CDH13: variants seen among roughly 807,000 people sequenced by gnomAD.
CDH13 encodes cadherin-13.
In CDH13, 24 loss-of-function variants were observed where a neutral mutation model predicts 63.8. The ratio of observed to expected loss-of-function variants is 0.38; its 90% CI spans 0.27 to 0.53. CDH13 has a LOEUF of 0.53. Among genes scored for constraint, CDH13 ranks in the 20% least tolerant of loss-of-function variants. The pLI is 0.85. For synonymous variants in CDH13, 503 were observed against 355.3 expected, an observed-to-expected ratio of 1.42 and a Z score of -4.67; for missense variants, 1,049 against 903.1, an observed-to-expected ratio of 1.16 and a Z score of -2.07.
chr16:83,239,863 G>GT (rs551918037), intron 5 of CDH13, among the ~76,000 whole-genome samples: 1 of 152,198 alleles, frequency 6.6e-6, no homozygotes, highest in Non-Finnish European at 1.5e-5. Context: ...TGGGGAATTT[G>GT]TGGGGGGCAG....
At chr16:83,390,607 C>T (rs548524625) in intron 6 of CDH13, among the ~76,000 whole-genome samples, 252 of 152,172 alleles carry the variant, frequency 1.7e-3, no homozygotes, top group Non-Finnish European at 3.0e-3. Flanking sequence ...GAATATGCCT[C>T]CAAGCCAGGA....
intron 2 of CDH13, among the ~76,000 whole-genome samples, chr16:83,018,876 T>C (rs1388550002): frequency 2.6e-5 from 4 of 152,136 alleles, no homozygotes; most frequent in Admixed American, 2.6e-4. Flanking sequence ...ATAATAAAAA[T>C]ATAGTCTAAA....
At chr16:83,045,143 A>G (rs1338555742) in intron 3 of CDH13, among the ~76,000 whole-genome samples, 1 of 152,214 alleles carries the variant, frequency 6.6e-6, no homozygotes, top group Admixed American at 6.5e-5. Context: ...ATTAAATGAC[A>G]TAGAGTAATC....
At chr16:83,699,113 G>A (rs962976618) in intron 10 of CDH13, among the ~76,000 whole-genome samples, 3 of 152,164 alleles carry the variant, frequency 2.0e-5, no homozygotes, top group Non-Finnish European at 4.4e-5. Context: ...ACAAGCCCTC[G>A]GCCAATGTTT....
intron 1 of CDH13, among the ~76,000 whole-genome samples, chr16:82,652,709 T>G (rs1426473666): frequency 1.3e-5 from 2 of 151,040 alleles, no homozygotes; most frequent in Admixed American, 6.6e-5. Context: ...TAGAATTGTT[T>G]TTTTTTTTTT....
chr16:83,414,178 T>C (rs749758439), intron 6 of CDH13, among the ~76,000 whole-genome samples: 4 of 152,196 alleles, frequency 2.6e-5, no homozygotes, highest in Non-Finnish European at 4.4e-5. Flanking sequence ...GTTTTTCTTA[T>C]TTGGTTGGAA....
intron 11 of CDH13, among the ~76,000 whole-genome samples, chr16:83,767,742 G>A (rs1231477517): frequency 6.6e-6 from 1 of 152,080 alleles, no homozygotes; most frequent in Admixed American, 6.5e-5. Flanking sequence ...AAAGAATCCA[G>A]ACCCAAAAAA....
At chr16:82,794,836 G>T (rs142763982) in intron 1 of CDH13, among the ~76,000 whole-genome samples, 1 of 152,084 alleles carries the variant, frequency 6.6e-6, no homozygotes, top group Non-Finnish European at 1.5e-5. Context: ...TGATTCTTCT[G>T]CCTGAATTCC....
intron 1 of CDH13, among the ~76,000 whole-genome samples, chr16:82,689,592 T>C (rs902363712): frequency 1.3e-5 from 2 of 152,196 alleles, no homozygotes; most frequent in Non-Finnish European, 2.9e-5. Context: ...AAGATTGTTT[T>C]CTGGGATGTT....
intron 1 of CDH13, among the ~76,000 whole-genome samples, chr16:82,676,643 G>T (rs930500339): frequency 6.6e-6 from 1 of 151,880 alleles, no homozygotes; most frequent in Non-Finnish European, 1.5e-5. Context: ...TCATTCATTT[G>T]ATCAAAATCC....
intron 6 of CDH13, among the ~76,000 whole-genome samples, chr16:83,395,228 C>T (rs1195597369): frequency 1.3e-5 from 2 of 150,406 alleles, no homozygotes; most frequent in Admixed American, 6.6e-5. Context: ...GCAGGAGAAT[C>T]ACTGGAACCT....
intron 10 of CDH13, among the ~76,000 whole-genome samples, chr16:83,714,782 T>C (rs977587693): frequency 6.6e-6 from 1 of 152,158 alleles, no homozygotes; most frequent in Non-Finnish European, 1.5e-5. Flanking sequence ...AAATGGGAAA[T>C]GCCTTCTTAA....
At chr16:83,603,286 G>A (rs752151484) in intron 8 of CDH13, among the ~76,000 whole-genome samples, 4 of 152,196 alleles carry the variant, frequency 2.6e-5, no homozygotes, top group Non-Finnish European at 5.9e-5. Context: ...GCCAGGGCAT[G>A]GATTTGATGC....
intron 4 of CDH13, among the ~76,000 whole-genome samples, chr16:83,144,503 C>T (rs549001875): frequency 6.6e-6 from 1 of 152,316 alleles, no homozygotes; most frequent in South Asian, 2.1e-4. Context: ...GATATAATCA[C>T]CACGAGACAA....
intron 2 of CDH13, among the ~76,000 whole-genome samples, chr16:82,921,969 A>C (rs1303701250): frequency 1.3e-5 from 2 of 152,114 alleles, no homozygotes; most frequent in Non-Finnish European, 2.9e-5. Context: ...TAAGATTTTT[A>C]ATTTCTTCTT....
intron 1 of CDH13, among the ~76,000 whole-genome samples, chr16:82,751,516 C>T (rs2034414739): frequency 6.6e-6 from 1 of 152,074 alleles, no homozygotes; most frequent in African/African-American, 2.4e-5. Flanking sequence ...TAGCATGGAC[C>T]AGAGCTCTGG....
At chr16:82,992,904 G>A (rs1461691387) in intron 2 of CDH13, among the ~76,000 whole-genome samples, 1 of 152,168 alleles carries the variant, frequency 6.6e-6, no homozygotes, top group African/African-American at 2.4e-5. Context: ...CTTGGCTAGA[G>A]AAGGGCTCAG....
intron 4 of CDH13, among the ~76,000 whole-genome samples, chr16:83,148,926 A>G (rs1399764747): frequency 6.6e-6 from 1 of 152,206 alleles, no homozygotes; most frequent in African/African-American, 2.4e-5. Flanking sequence ...AAATCTTATT[A>G]CACTCATTAT....
chr16:82,741,698 T>G (rs1034979411), intron 1 of CDH13, among the ~76,000 whole-genome samples: 1 of 152,206 alleles, frequency 6.6e-6, no homozygotes, highest in Non-Finnish European at 1.5e-5. Flanking sequence ...CAAACAGTTA[T>G]GTTCAACCTC....
Sources: allele counts gnomAD v4.1 joint callset (sites outside exome capture counted in the v4.1 genomes callset), GRCh38; gene constraint gnomAD v4.1.1; transcripts MANE v1.5; gene names NCBI Gene and HGNC (gene_info 2026-07-23, HGNC 2026-07-21).